Variants in CACNA1E observed in about 807,000 individuals in gnomAD.
The protein encoded by CACNA1E is calcium voltage-gated channel subunit alpha1 E, also known as voltage-dependent R-type calcium channel subunit alpha-1E.
CACNA1E carries 40 observed loss-of-function variants against 259.2 expected under a neutral mutation model. The observed-to-expected ratio is 0.15, with a 90% CI of 0.12 to 0.20. The LOEUF (loss-of-function observed/expected upper bound fraction) is 0.20, where lower values mean the gene tolerates loss of function less well. Among genes scored for constraint, CACNA1E ranks in the 10% least tolerant of loss-of-function variants. CACNA1E has a pLI of 1.00. For missense variants in CACNA1E, 1,874 were observed against 3,040.1 expected (o/e 0.62, Z 9.02); for synonymous variants, 1,104 against 1,138.5 (o/e 0.97, Z 0.61).
chr1:181,590,437 T>TATATATA (rs1558159851), intron 6 of CACNA1E, among the ~76,000 whole-genome samples: 1 of 143,418 alleles, frequency 7.0e-6, no homozygotes, highest in African/African-American at 2.8e-5. Flanking sequence ...ATATATATAT[T>TATATATA]GTATTTGACT....
At chr1:181,650,371 A>C (rs955837551) in intron 6 of CACNA1E, among the ~76,000 whole-genome samples, 3 of 152,164 alleles carry the variant, frequency 2.0e-5, no homozygotes, top group African/African-American at 7.2e-5. Context: ...GTAAGTTTCA[A>C]ATGGGTCTTA....
chr1:181,361,282 A>T (rs990471096), intron 1 of CACNA1E, among the ~76,000 whole-genome samples: 4 of 152,148 alleles, frequency 2.6e-5, no homozygotes, highest in Non-Finnish European at 5.9e-5. Flanking sequence ...TCAATGAGGG[A>T]AGGACAGAGG....
chr1:181,474,402 C>T (rs1339983258), intron 2 of CACNA1E, among the ~76,000 whole-genome samples: 4 of 152,190 alleles, frequency 2.6e-5, no homozygotes, highest in Non-Finnish European at 4.4e-5. Flanking sequence ...GTAAACTGCA[C>T]ATTAGGAATA....
chr1:181,748,241 T>A (rs1053068406), intron 25 of CACNA1E, among the ~76,000 whole-genome samples: 2 of 152,218 alleles, frequency 1.3e-5, no homozygotes, highest in African/African-American at 4.8e-5. Context: ...CACGTTCAGC[T>A]GTTAAGATTA....
intron 25 of CACNA1E, among the ~76,000 whole-genome samples, chr1:181,743,560 T>C (rs1371185247): frequency 6.6e-6 from 1 of 152,232 alleles, no homozygotes; most frequent in Non-Finnish European, 1.5e-5. Context: ...ATTACATTCA[T>C]GAACCTCACA....
intron 17 of CACNA1E, 32 bp from the exon 18 acceptor site, chr1:181,726,032 TC>T (rs759971879): frequency 6.6e-7 from 1 of 1,506,238 alleles, no homozygotes; most frequent in South Asian, 1.2e-5. Flanking sequence ...TTCCTGGGGA[TC>T]CCAGGCAAAG....
At chr1:181,766,470 C>A in intron 34 of CACNA1E, 76 bp from the exon 35 acceptor site, 1 of 1,002,856 alleles carries the variant, frequency 1.0e-6, no homozygotes, top group Non-Finnish European at 1.6e-6. Context: ...AGATCCTGTA[C>A]TGCCGGTGAC....
At chr1:181,712,799 C>T (rs1003646503) in intron 8 of CACNA1E, among the ~76,000 whole-genome samples, 2 of 152,040 alleles carry the variant, frequency 1.3e-5, no homozygotes, top group Non-Finnish European at 2.9e-5. Context: ...GGCGGAGGAG[C>T]CATCTGACAG....
upstream of CACNA1E, chr1:181,483,247 A>C (rs1663449670): frequency 6.6e-6 from 1 of 150,526 alleles, no homozygotes; most frequent in Non-Finnish European, 1.5e-5. Context: ...TTTTGTTTTC[A>C]TTTTCCCCTC....
At chr1:181,755,871 T>C in intron 28 of CACNA1E, 85 bp from the exon 29 acceptor site, 1 of 1,354,074 alleles carries the variant, frequency 7.4e-7, no homozygotes, top group Admixed American at 2.2e-5. Flanking sequence ...TACCCCCACA[T>C]TATTGCGGCC....
intron 3 of CACNA1E, among the ~76,000 whole-genome samples, chr1:181,569,287 T>TGG: frequency 6.6e-6 from 1 of 152,218 alleles, no homozygotes; most frequent in East Asian, 1.9e-4. Context: ...TCTTGGGCTC[T>TGG]GGGATGGAGC....
At chr1:181,348,680 A>C (rs1322367038) in intron 1 of CACNA1E, among the ~76,000 whole-genome samples, 1 of 152,190 alleles carries the variant, frequency 6.6e-6, no homozygotes, top group South Asian at 2.1e-4. Flanking sequence ...GATCCAAGCC[A>C]GATGTCCAGG....
chr1:181,724,633 C>A, intron 17 of CACNA1E, 96 bp downstream of exon 17: 1 of 991,422 alleles, frequency 1.0e-6, no homozygotes, highest in Non-Finnish European at 1.5e-6. Flanking sequence ...TTGTCTGACT[C>A]AGGCCTGCCA....
chr1:181,504,865 C>A (rs1438934312), intron 1 of CACNA1E, among the ~76,000 whole-genome samples: 2 of 152,182 alleles, frequency 1.3e-5, no homozygotes, highest in Non-Finnish European at 2.9e-5. Context: ...TGTCTTGAAA[C>A]TGCTAGACTA....
At chr1:181,493,124 C>G (rs954731675) in intron 1 of CACNA1E, among the ~76,000 whole-genome samples, 2 of 152,202 alleles carry the variant, frequency 1.3e-5, no homozygotes, top group African/African-American at 4.8e-5. Flanking sequence ...AGACCTGTCT[C>G]TCCTGAAAAA....
In CACNA1E at chr1:181,576,522, C is replaced by T. The variant is rs190935578; in HGVS notation, c.513-1244C>T. ...AGTTCTTTTTCTGAGATTGAAGACA[C>T]GTCAAATAGTGAAGGAAGTTCAGGT... On this transcript the variant is annotated intron_variant, in intron 3 of 47. Coordinates refer to ENST00000367573, the MANE Select transcript of CACNA1E (RefSeq NM_001205293.3). Among the ~76,000 whole-genome samples, 129 of 152,318 alleles carry T rather than the reference C, an allele frequency of 8.5e-4. 1 individual carries two copies. Among genetic ancestry groups the T allele is most frequent in the Admixed American group, 1.7e-3 (26 of 15,302 alleles).
intron 3 of CACNA1E, among the ~76,000 whole-genome samples, chr1:181,558,674 G>A (rs959031446): frequency 6.6e-6 from 1 of 152,176 alleles, no homozygotes; most frequent in East Asian, 1.9e-4. Flanking sequence ...AAGACAAGGT[G>A]GAAGACAGAT....
rs116986652 is a variant in CACNA1E at position 181,414,715 on chromosome 1, A to C, written c.434+1135A>C. ...TAACTATGAGGTAGGTACAGTTATT[A>C]GCCACATGTAACCAATGAGGCACAG... On this transcript the variant is annotated intron_variant, in intron 2 of 11. Coordinates refer to the CACNA1E transcript ENST00000524607. 1.8e-3 allele frequency among the ~76,000 whole-genome samples: 275 copies of C among 152,382 alleles called. 2 individuals carry two copies. In the East Asian group the frequency reaches 0.049, roughly 27 times the overall value.
chr1:181,491,260 T>C (rs1026142886), intron 1 of CACNA1E, among the ~76,000 whole-genome samples: 31 of 152,224 alleles, frequency 2.0e-4, no homozygotes, highest in African/African-American at 7.5e-4. Context: ...TTCCTTTGTG[T>C]TGATGTCAGA....
Sources: allele counts gnomAD v4.1 joint callset (sites outside exome capture counted in the v4.1 genomes callset), GRCh38; gene constraint gnomAD v4.1.1; transcripts MANE v1.5; gene names NCBI Gene and HGNC (gene_info 2026-07-23, HGNC 2026-07-21).